The following ALDH18A1 variants were observed in gnomAD, a reference collection of about 807,000 sequenced individuals.
ALDH18A1 encodes the protein aldehyde dehydrogenase 18 family member A1, also known as delta-1-pyrroline-5-carboxylate synthase.
A neutral mutation model predicts 88.8 loss-of-function variants in ALDH18A1; 44 were observed. That is an observed-to-expected ratio of 0.50 (90% confidence interval 0.39 to 0.64). ALDH18A1 has a LOEUF of 0.64. Ranked by LOEUF, ALDH18A1 falls within the 30% of genes least tolerant of loss-of-function variation. ALDH18A1 has a pLI of 0.00. For synonymous variants in ALDH18A1, 331 were observed against 372.1 expected, an observed-to-expected ratio of 0.89 and a Z score of 1.27; for missense variants, 782 against 1,009.5, an observed-to-expected ratio of 0.77 and a Z score of 3.05.
chr10:95,642,239 G>A (rs11188412), intron 3 of ALDH18A1, among the ~76,000 whole-genome samples: 7,412 of 152,202 alleles, frequency 0.049, 250 homozygotes, highest in South Asian at 0.085. Context: ...TCACGGCCAC[G>A]CTCATTCATT....
chr10:95,621,234 G>C lies in ALDH18A1; in HGVS notation c.1264C>G (p.Leu422Val), dbSNP rs142712849. Reference protein sequence around the residue: ...EEAEGRLAAPLLKRLSLSTSK... With the variant: ...EEAEGRLAAPVLKRLSLSTSK... The stretch of plus-strand genomic sequence containing the variant: ...GTGGAGAGGCTTAAACGTTTCAGCA[G>C]AGGAGCTGCAAGTCTCCCTGAAAAG... The change falls in exon 12 of 18, where the codon CTG becomes GTG. Residue 422 changes from leucine to valine, a missense_variant. By Grantham distance (32) the Leu-to-Val change is conservative. Around this residue, in one of 3 missense-constraint regions of ALDH18A1, gnomAD observed 556 missense variants for 654.5 expected, o/e 0.85. Coordinates refer to ENST00000371224, the MANE Select transcript of ALDH18A1 (RefSeq NM_002860.4). 213 of 1,613,266 alleles carry C rather than the reference G, an allele frequency of 1.3e-4. No individual in the cohort carries two copies. Among genetic ancestry groups the C allele is most frequent in the Non-Finnish European group, 1.8e-4 (207 of 1,179,746 alleles).
intron 11 of ALDH18A1, 55 bp from the exon 12 acceptor site, chr10:95,621,306 A>G: frequency 7.1e-7 from 1 of 1,414,658 alleles, no homozygotes; most frequent in Non-Finnish European, 9.8e-7. Flanking sequence ...GGCTACAGCT[A>G]CCAACCGATG....
intron 3 of ALDH18A1, among the ~76,000 whole-genome samples, chr10:95,641,555 C>T (rs2097891660): frequency 2.6e-5 from 4 of 151,366 alleles, no homozygotes; most frequent in Admixed American, 2.6e-4. Context: ...GCTCTGTTGC[C>T]CAGGTTGTAG....
At chr10:95,643,772 T>A (rs551217322) in intron 2 of ALDH18A1, among the ~76,000 whole-genome samples, 1 of 152,354 alleles carries the variant, frequency 6.6e-6, no homozygotes, top group Non-Finnish European at 1.5e-5. Context: ...TTTTCCAAGT[T>A]TATGCAGTAA....
chr10:95,649,351 A>ATTTT (rs376825293), intron 2 of ALDH18A1, among the ~76,000 whole-genome samples: 2 of 131,090 alleles, frequency 1.5e-5, no homozygotes, highest in Non-Finnish European at 3.3e-5. Flanking sequence ...ATTTTTACAG[A>ATTTT]TTTTTTTTTT....
At chr10:95,643,701 T>C (rs1024882390) in intron 2 of ALDH18A1, among the ~76,000 whole-genome samples, 5 of 152,248 alleles carry the variant, frequency 3.3e-5, no homozygotes, top group African/African-American at 1.2e-4. Context: ...GAAAAATTAA[T>C]ATTTTATCTC....
At chr10:95,633,349 G>C in intron 6 of ALDH18A1, 142 bp downstream of exon 6, 1 of 1,061,702 alleles carries the variant, frequency 9.4e-7, no homozygotes, top group Non-Finnish European at 1.4e-6. Flanking sequence ...GTTCAGAAGA[G>C]CTTATGCAGT....
chr10:95,612,850 C>A (rs1035000522), intron 15 of ALDH18A1, among the ~76,000 whole-genome samples: 1 of 152,212 alleles, frequency 6.6e-6, no homozygotes, highest in Non-Finnish European at 1.5e-5. Flanking sequence ...CATGAATGAC[C>A]ATGTGATCTA....
chr10:95,631,763 A>AC (rs1234725201), intron 7 of ALDH18A1, among the ~76,000 whole-genome samples: 2,683 of 148,754 alleles, frequency 0.018, 30 homozygotes, highest in African/African-American at 0.025. Flanking sequence ...AAAAAAAAAA[A>AC]AACAACTGAA....
chr10:95,643,109 G>A lies in ALDH18A1; in HGVS notation c.186C>T (p.Ala62=). The change falls in exon 3 of 18, where the codon GCC becomes GCT. Residue 62 remains alanine (A), a synonymous_variant. Transcript: ENST00000371224. ...TGGCATGCTTCAGCTCACTGCGGTG[G>A]GCGAAGGACTTGCCATGTGTACGAC... ...PLSRTHGKSF[A]HRSELKHAKR... is the part of the protein sequence containing the mutation. 6.2e-7 allele frequency: 1 copy of A among 1,614,204 alleles called. No homozygotes were observed. The highest frequency in any genetic ancestry group is 8.5e-7 in the Non-Finnish European group (1 of 1,180,046).
At chr10:95,622,055 C>T (rs958795055) in intron 11 of ALDH18A1, among the ~76,000 whole-genome samples, 2 of 151,956 alleles carry the variant, frequency 1.3e-5, no homozygotes, top group African/African-American at 4.8e-5. Context: ...TGGAACGCAT[C>T]CAGAATAGTA....
intron 2 of ALDH18A1, among the ~76,000 whole-genome samples, chr10:95,647,954 A>G (rs1230546874): frequency 2.0e-5 from 3 of 152,248 alleles, no homozygotes; most frequent in South Asian, 4.1e-4. Flanking sequence ...CTCACCCTAC[A>G]TATCTCTTCA....
intron 10 of ALDH18A1, 87 bp from the exon 11 acceptor site, chr10:95,625,542 G>A: frequency 3.4e-6 from 4 of 1,169,380 alleles, no homozygotes; most frequent in Non-Finnish European, 5.1e-6. Flanking sequence ...TCTTCTGAGA[G>A]TGCCAGGCCT....
chr10:95,632,117 G>A (rs73327043), intron 7 of ALDH18A1, among the ~76,000 whole-genome samples: 27,773 of 152,036 alleles, frequency 0.18, 2,831 homozygotes, highest in Middle Eastern at 0.28. Context: ...GAAAAAAGCC[G>A]GTCACAAAGG....
rs1266401983 is a variant in ALDH18A1, at chr10:95,606,644, C to T, written c.*118G>A. On this transcript the variant is annotated 3_prime_UTR_variant, in exon 18 of 18. Transcript: ENST00000371224. ...AACGGAGCCCAGAAGCATCCAGGTA[C>T]ACTTTCCAACAGGCAGACCCTACCA... The T allele has an allele frequency of 6.2e-7, 1 of 1,606,886 alleles. No homozygotes were observed. Among genetic ancestry groups the T allele is most frequent in the Non-Finnish European group, 8.5e-7 (1 of 1,178,726 alleles).
chr10:95,616,702 C>G (rs2097844873), intron 12 of ALDH18A1, 88 bp from the exon 13 acceptor site: 2 of 1,499,312 alleles, frequency 1.3e-6, no homozygotes, highest in Non-Finnish European at 1.8e-6. Context: ...TCCTTCTGTG[C>G]TAAGCACTGT....
rs1433947313 is a variant in ALDH18A1, at chr10:95,653,378, G to T, written c.-1C>A. ...CACAGCGGTAAACTTGACTCAACAT[G>T]CTGCGATGTGGTCACTAACCAAAGT... is the stretch of plus-strand genomic sequence containing the variant. On this transcript the variant is annotated 5_prime_UTR_variant, in exon 2 of 18. Transcript: ENST00000371224. 9 of 1,613,270 alleles carry T rather than the reference G, an allele frequency of 5.6e-6. No homozygotes were observed. The African/African-American group carries it at 1.1e-4, about 19-fold the overall frequency.
At chr10:95,631,536 A>G (rs1004749291) in intron 7 of ALDH18A1, among the ~76,000 whole-genome samples, 2 of 152,020 alleles carry the variant, frequency 1.3e-5, no homozygotes, top group African/African-American at 4.8e-5. Context: ...CAAGGTCAGG[A>G]GTTCAAAACC....
intron 9 of ALDH18A1, 152 bp downstream of exon 9, chr10:95,627,290 T>C (rs2097861788): frequency 3.0e-6 from 3 of 1,008,996 alleles, no homozygotes; most frequent in Admixed American, 3.9e-5. Flanking sequence ...AGATAGAATT[T>C]CACAAAAGCA....
Sources: allele counts gnomAD v4.1 joint callset (sites outside exome capture counted in the v4.1 genomes callset), GRCh38; gene constraint gnomAD v4.1.1; regional missense constraint gnomAD v4.1.1; transcripts MANE v1.5; gene names NCBI Gene and HGNC (gene_info 2026-07-23, HGNC 2026-07-21).